Variants in MZF1 observed in about 807,000 individuals in gnomAD.
The protein encoded by MZF1 is myeloid zinc finger 1, also known as zinc finger and SCAN domain-containing protein 6.
Under a neutral mutation model 28.6 loss-of-function variants are expected in MZF1, and 24 were observed. The ratio of observed to expected loss-of-function variants is 0.84; its 90% confidence interval spans 0.61 to 1.18. The LOEUF is 1.18. Ranked by LOEUF, MZF1 falls within the 50% of genes most tolerant of loss-of-function variation. MZF1 has a pLI of 0.00. For synonymous variants in MZF1, 516 were observed against 432.5 expected (o/e 1.19, Z -2.40); for missense variants, 1,166 against 1,026.4 (o/e 1.14, Z -1.86).
chr19:58,562,032 G>A lies in MZF1; in HGVS notation c.*40C>T. 2 of 1,529,486 alleles carry A rather than the reference G, an allele frequency of 1.3e-6. No individual in the cohort carries two copies. Among genetic ancestry groups the A allele is most frequent in the Non-Finnish European group, 1.8e-6 (2 of 1,135,852 alleles). 94.7% of individuals were successfully genotyped at this position (1,529,486 alleles called of 1,614,324 possible). A position where few individuals can be genotyped will look rare whatever the true frequency, so the allele number is the denominator to read the frequency against. ...GCCTCACAATAACCAGGGGAGGTAG[G>A]TGTTCTGACCATGGCGGACACAGTG... On this transcript the variant is annotated 3_prime_UTR_variant, in exon 6 of 6. Transcript: ENST00000215057.
intron 4 of MZF1, 55 bp downstream of exon 4, chr19:58,569,461 C>T: frequency 6.2e-7 from 1 of 1,613,494 alleles, no homozygotes; most frequent in Non-Finnish European, 8.5e-7. Context: ...CCTACCTGAC[C>T]CCACCCAGCA....
At chr19:58,564,897 T>G (rs2122693828) in intron 5 of MZF1, among the ~76,000 whole-genome samples, 1 of 111,294 alleles carries the variant, frequency 9.0e-6, no homozygotes, top group Non-Finnish European at 1.7e-5. Context: ...AGCATCCATG[T>G]GTGTGTTTTT....
Position 58,571,361 on chromosome 19 carries a change from T to C in MZF1, c.29A>G (p.Asp10Gly). ...CCCCTCATCTTCTGGGGGTGCTCGG[T>C]CTGGGGAGCCCAGCACCGCAGGCCT... is the stretch of plus-strand genomic sequence containing the variant. MRPAVLGSP[D>G]RAPPEDEGPV... Residue 10 changes from aspartate to glycine, a missense_variant, in exon 2 of 6, where the codon GAC becomes GGC. Coordinates refer to ENST00000215057, the MANE Select transcript of MZF1 (RefSeq NM_198055.2). 6.2e-7 allele frequency: 1 copy of C among 1,614,132 alleles called. No homozygotes were observed. The highest frequency in any genetic ancestry group is 8.5e-7 in the Non-Finnish European group (1 of 1,180,018).
Position 58,570,545 on chromosome 19 carries a change from CCAT to C in MZF1, c.397-21_397-19del, listed in dbSNP as rs570547506. 8.5e-5 allele frequency: 136 copies of C among 1,606,604 alleles called. No homozygotes were observed. In the East Asian group the frequency reaches 2.5e-3, roughly 30 times the overall value. On this transcript the variant is annotated intron_variant, in intron 2 of 5. Transcript: ENST00000215057. ...ACTGTGACCTGGGGAGGTGCCCCCA[CCAT>C]CAGAAGTCCTACCAGAGAGTAAGGC...
At position 58,570,209 on chromosome 19, in the gene MZF1, G is replaced by A. The variant is rs2054132154; in HGVS notation, c.580+135C>T. 8 of 954,930 alleles carry A rather than the reference G, an allele frequency of 8.4e-6. No individual in the cohort carries two copies. The Admixed American group carries it at 1.5e-4, about 18-fold the overall frequency. 59.2% of individuals were successfully genotyped at this position (954,930 alleles called of 1,614,324 possible). A position where few individuals can be genotyped will look rare whatever the true frequency, so the allele number is the denominator to read the frequency against. On this transcript the variant is annotated intron_variant, in intron 3 of 5. Transcript: ENST00000215057. ...GAGGGGAGACCTGACTGGGTAGAAT[G>A]TGGGGGCTGCTGGCAGATGGAAACC...
In MZF1 at chr19:58,571,012, C is replaced by T. The variant is rs200889804; in HGVS notation, c.378G>A (p.Pro126=). The change falls in exon 2 of 6, where the codon CCG becomes CCA. Residue 126 remains proline (P), a synonymous_variant. Transcript: ENST00000215057. The stretch of plus-strand genomic sequence containing the variant: ...CACTCACCCATCTCCGGGGTCCGCC[C>T]GGCTCCCGGCGCAGCCCATCTACTA... ...AALVDGLRRE[P]GGPRRWVTVQ... 6.2e-5 allele frequency: 99 copies of T among 1,608,730 alleles called. No individual in the cohort carries two copies. The highest frequency in any genetic ancestry group is 2.0e-4 in the Admixed American group (12 of 59,684).
chr19:58,563,450 T>TGAG lies in MZF1; in HGVS notation c.824_826dup (p.Pro275dup). Reference sequence around the variant, plus strand: ...GCCGAGGTCCCAGGGGACGTGGAGGTGAGGGCTTACACTACCTGGACCTGC... The same window carrying TGAG: ...GCCGAGGTCCCAGGGGACGTGGAGGTGAGGAGGGCTTACACTACCTGGACCTGC... On this transcript the variant is annotated inframe_insertion, in exon 6 of 6. Coordinates refer to ENST00000215057, the MANE Select transcript of MZF1 (RefSeq NM_198055.2). 6.3e-7 allele frequency: 1 copy of TGAG among 1,582,186 alleles called. No individual in the cohort carries two copies. The highest frequency in any genetic ancestry group is 8.6e-7 in the Non-Finnish European group (1 of 1,164,044).
chr19:58,562,353 C>T lies in MZF1; in HGVS notation c.1924G>A (p.Glu642Lys), dbSNP rs115386056. ...TCGCCCGTGTGGATGCGCTGGTGCTCGGTGAGCCGCGAGACCTGCGTGAAG... is the reference window on the plus strand; with the variant it reads ...TCGCCCGTGTGGATGCGCTGGTGCTTGGTGAGCCGCGAGACCTGCGTGAAG... ...LGFTQVSRLT[E>K]HQRIHTGERP... The change falls in exon 6 of 6, where the codon GAG becomes AAG. Residue 642 changes from glutamate to lysine, a missense_variant. By Grantham distance (56) the Glu-to-Lys change is moderately conservative. Transcript: ENST00000215057. 7.9e-4 allele frequency: 1,245 copies of T among 1,580,888 alleles called. 31 individuals carry two copies. In the East Asian group the frequency reaches 0.027, roughly 34 times the overall value.
chr19:58,563,393 G>T lies in MZF1; in HGVS notation c.884C>A (p.Pro295His). ...ATGCGCAAAGCCACCTTCGCGGGAG[G>T]GTGATTGGATCTGGCCAGAAAGGCC... ...MAGLSGQIQS[P>H]SREGGFAHAL... The change falls in exon 6 of 6, where the codon CCC becomes CAC. Residue 295 changes from proline (P) to histidine (H), a missense_variant. Physicochemically the swap from Pro to His is moderately conservative, Grantham distance 77. Transcript: ENST00000215057. The T allele has an allele frequency of 6.2e-7, 1 of 1,600,924 alleles. No individual in the cohort carries two copies. Among genetic ancestry groups the T allele is most frequent in the Non-Finnish European group, 8.5e-7 (1 of 1,173,846 alleles).
In MZF1 at chr19:58,562,634, T is replaced by C. The variant is rs2053952262; in HGVS notation, c.1643A>G (p.Gln548Arg). Residue 548 changes from glutamine to arginine, a missense_variant, in exon 6 of 6, where the codon CAG (glutamine) becomes CGG (arginine). Coordinates refer to ENST00000215057, the MANE Select transcript of MZF1 (RefSeq NM_198055.2). ...ERPFACAECG[Q>R]SFRQRSNLTQ... ...CAGGTTGGAGCGCTGCCGGAAGCTC[T>C]GGCCGCACTCGGCACAGGCGAAGGG... 4 of 1,562,296 alleles carry C rather than the reference T, an allele frequency of 2.6e-6. No homozygotes were observed. In the East Asian group the frequency reaches 7.0e-5, roughly 27 times the overall value.
chr19:58,565,512 G>C (rs1355852679), intron 5 of MZF1, among the ~76,000 whole-genome samples: 1 of 151,646 alleles, frequency 6.6e-6, no homozygotes, highest in Non-Finnish European at 1.5e-5. Flanking sequence ...TTACAGGTGT[G>C]AGCCACCACG....
At chr19:58,567,196 C>A (rs2054074634) in intron 5 of MZF1, among the ~76,000 whole-genome samples, 1 of 152,230 alleles carries the variant, frequency 6.6e-6, no homozygotes, top group Admixed American at 6.5e-5. Flanking sequence ...GCATGAGCGG[C>A]TGCGCCTGGC....
rs1600099960 is a variant in MZF1 at position 58,564,898 on chromosome 19, G to GTTTTTTTTTTTTTTTTTTTT, written c.773-1395_773-1394insAAAAAAAAAAAAAAAAAAAA. On this transcript the variant is annotated intron_variant, in intron 5 of 5. Coordinates refer to ENST00000215057, the MANE Select transcript of MZF1 (RefSeq NM_198055.2). The stretch of plus-strand genomic sequence containing the variant: ...CAGGGTGGAGAATAAGCATCCATGT[G>GTTTTTTTTTTTTTTTTTTTT]TGTGTTTTTTTTTTTTTTTTTTTTT... Among the ~76,000 whole-genome samples the GTTTTTTTTTTTTTTTTTTTT allele has an allele frequency of 1.7e-4, 16 of 91,950 alleles. 3 individuals are homozygous for GTTTTTTTTTTTTTTTTTTTT. Among genetic ancestry groups the GTTTTTTTTTTTTTTTTTTTT allele is most frequent in the African/African-American group, 8.4e-4 (16 of 18,950 alleles). 60.3% of individuals were successfully genotyped at this position (91,950 alleles called of 152,430 possible).
In MZF1 at chr19:58,563,278, G is replaced by A; in HGVS notation, c.999C>T (p.Thr333=). 1 of 1,607,620 alleles carries A rather than the reference G, an allele frequency of 6.2e-7. No individual in the cohort carries two copies. Among genetic ancestry groups the A allele is most frequent in the Non-Finnish European group, 8.5e-7 (1 of 1,177,540 alleles). Residue 333 remains threonine (T), a synonymous_variant, in exon 6 of 6, where the codon ACC becomes ACT. Transcript: ENST00000215057. ...TCCGGCCCCTGGGGGAGCGCCAGCG[G>A]GTGGTGATCAGAGCAGGGCCCACAC... ...CRGVGPALIT[T]RWRSPRGRSR...
In MZF1 at chr19:58,563,508, C is replaced by G; in HGVS notation, c.773-4G>C. On this transcript the variant is annotated splice_region_variant and splice_polypyrimidine_tract_variant and intron_variant, in intron 5 of 5. Transcript: ENST00000215057. ...CTGCCTAGCTGCAGCGCGAACCCTG[C>G]ATACACAAGGGGACCATTCATTCAT... 1.3e-6 allele frequency: 2 copies of G among 1,529,986 alleles called. No homozygotes were observed. The highest frequency in any genetic ancestry group is 1.8e-6 in the Non-Finnish European group (2 of 1,134,010). 94.8% of individuals were successfully genotyped at this position (1,529,986 alleles called of 1,614,324 possible).
chr19:58,563,729 G>T, intron 5 of MZF1: 1 of 470,916 alleles, frequency 2.1e-6, no homozygotes, highest in South Asian at 4.3e-5. Context: ...ATGTGAAAAA[G>T]CTTTCTAGGT....
Position 58,562,263 on chromosome 19 carries a change from G to C in MZF1, c.2014C>G (p.Arg672Gly). ...GGCCGTTCACCCGTGTGGATGCGCC[G>C]GTGCTGGGTGAGGTTGGCGTGCTGC... ...FRQHANLTQH[R>G]RIHTGERPYA... The change falls in exon 6 of 6, where the codon CGG becomes GGG. Residue 672 changes from arginine (R) to glycine (G), a missense_variant. Physicochemically the swap from Arg to Gly is moderately radical, Grantham distance 125. Transcript: ENST00000215057. The C allele has an allele frequency of 6.2e-7, 1 of 1,605,748 alleles. No individual in the cohort carries two copies. The highest frequency in any genetic ancestry group is 1.1e-5 in the South Asian group (1 of 90,366).
At chr19:58,568,561 A>G (rs186690639) in intron 5 of MZF1, 18 of 152,350 alleles carry the variant, frequency 1.2e-4, no homozygotes, top group African/African-American at 4.1e-4. Flanking sequence ...CTGTACTAAT[A>G]AAAAGAATTC....
intron 3 of MZF1, 102 bp downstream of exon 3, chr19:58,570,242 T>G: frequency 7.8e-7 from 1 of 1,280,818 alleles, no homozygotes; most frequent in Non-Finnish European, 1.1e-6. Flanking sequence ...ACCATTCCAT[T>G]TATAACAAAC....
Sources: gnomAD v4.1 joint callset for allele counts (sites outside exome capture counted in the v4.1 genomes callset) on GRCh38, gnomAD v4.1.1 for gene constraint, MANE v1.5 for transcripts, NCBI Gene and HGNC (gene_info 2026-07-23, HGNC 2026-07-21) for gene names.